The following CDKAL1 variants were observed in gnomAD, a reference collection of about 807,000 sequenced individuals.
CDKAL1 encodes threonylcarbamoyladenosine tRNA methylthiotransferase.
In CDKAL1, 32 loss-of-function variants were observed where a neutral mutation model predicts 68.2. That is an observed-to-expected ratio of 0.47 (90% confidence interval 0.35 to 0.63). The LOEUF (loss-of-function observed/expected upper bound fraction) is 0.63, where lower values mean the gene tolerates loss of function less well. CDKAL1 is among the 30% of genes least tolerant of loss of function. The pLI, the probability that CDKAL1 is intolerant of heterozygous loss-of-function variation, is 0.00. For synonymous variants in CDKAL1, 234 were observed against 244.3 expected, an observed-to-expected ratio of 0.96 and a Z score of 0.39; for missense variants, 606 against 696.7, an observed-to-expected ratio of 0.87 and a Z score of 1.47.
chr6:21,028,415 T>C (rs754705365), intron 11 of CDKAL1, among the ~76,000 whole-genome samples: 1 of 152,186 alleles, frequency 6.6e-6, no homozygotes, highest in Non-Finnish European at 1.5e-5. Flanking sequence ...CTCACCATTT[T>C]AGAGGCTGCA....
intron 8 of CDKAL1, among the ~76,000 whole-genome samples, chr6:20,824,801 G>A (rs942843165): frequency 1.4e-4 from 20 of 141,336 alleles, no homozygotes; most frequent in African/African-American, 3.1e-4. Context: ...GATTCTGGAG[G>A]CCATATTCCA....
At chr6:20,698,290 A>G (rs1771193923) in intron 5 of CDKAL1, among the ~76,000 whole-genome samples, 1 of 152,204 alleles carries the variant, frequency 6.6e-6, no homozygotes, top group South Asian at 2.1e-4. Context: ...AAAAGTTGCA[A>G]AGAAACCTCT....
chr6:20,874,558 G>A (rs1433760083), intron 9 of CDKAL1, among the ~76,000 whole-genome samples: 3 of 151,708 alleles, frequency 2.0e-5, no homozygotes, highest in South Asian at 2.1e-4. Context: ...CTCTGTAACC[G>A]AGGCTGGAGT....
At chr6:20,773,460 A>G (rs757704595) in intron 7 of CDKAL1, among the ~76,000 whole-genome samples, 13 of 152,246 alleles carry the variant, frequency 8.5e-5, no homozygotes, top group Admixed American at 2.0e-4. Context: ...GCACTTTTGT[A>G]TAATATTCTT....
intron 4 of CDKAL1, among the ~76,000 whole-genome samples, chr6:20,563,724 G>A (rs1222173718): frequency 6.6e-6 from 1 of 151,638 alleles, no homozygotes; most frequent in African/African-American, 2.4e-5. Flanking sequence ...TTGCATTTGT[G>A]AAGTGTAAGC....
intron 4 of CDKAL1, among the ~76,000 whole-genome samples, chr6:20,639,507 C>G (rs1768066840): frequency 6.6e-6 from 1 of 152,132 alleles, no homozygotes; most frequent in Admixed American, 6.6e-5. Context: ...CCAACCCTAG[C>G]TGGCTTAAAG....
intron 9 of CDKAL1, among the ~76,000 whole-genome samples, chr6:20,913,247 G>A (rs750595958): frequency 6.6e-6 from 1 of 151,838 alleles, no homozygotes; most frequent in African/African-American, 2.4e-5. Context: ...TCTACTCAGG[G>A]TCTCTCACAA....
intron 4 of CDKAL1, among the ~76,000 whole-genome samples, chr6:20,549,153 A>C (rs1206732428): frequency 6.6e-6 from 1 of 152,130 alleles, no homozygotes; most frequent in Non-Finnish European, 1.5e-5. Flanking sequence ...CCAATCTGTG[A>C]CAGTTTCTTA....
chr6:21,222,787 CAGA>C (rs1309578352), intron 15 of CDKAL1, among the ~76,000 whole-genome samples: 3 of 152,178 alleles, frequency 2.0e-5, no homozygotes, highest in Non-Finnish European at 4.4e-5. Flanking sequence ...GTGTCAGGGA[CAGA>C]AGAACTCATT....
At chr6:20,545,781 C>A (rs1407255326) in intron 2 of CDKAL1, among the ~76,000 whole-genome samples, 1 of 152,080 alleles carries the variant, frequency 6.6e-6, no homozygotes, top group Non-Finnish European at 1.5e-5. Flanking sequence ...TTTCTGAGGT[C>A]CTTTTAAAGT....
chr6:20,679,360 A>T (rs573486756), intron 5 of CDKAL1, among the ~76,000 whole-genome samples: 1 of 152,240 alleles, frequency 6.6e-6, no homozygotes, highest in Admixed American at 6.5e-5. Flanking sequence ...TCTATTTATT[A>T]TAACATTTGT....
At chr6:20,845,321 C>G (rs1778337638) in intron 8 of CDKAL1, among the ~76,000 whole-genome samples, 1 of 151,672 alleles carries the variant, frequency 6.6e-6, no homozygotes. Context: ...GTAACTGTGT[C>G]TTTTATTTTG....
At chr6:21,024,138 G>A (rs1768830097) in intron 11 of CDKAL1, among the ~76,000 whole-genome samples, 1 of 149,706 alleles carries the variant, frequency 6.7e-6, no homozygotes, top group South Asian at 2.1e-4. Flanking sequence ...CATCTGTTAG[G>A]TTACACTTAC....
chr6:20,767,945 A>G (rs1260730764), intron 7 of CDKAL1, among the ~76,000 whole-genome samples: 1 of 152,180 alleles, frequency 6.6e-6, no homozygotes, highest in Non-Finnish European at 1.5e-5. Context: ...TATCCTCTGG[A>G]TATCTGGATA....
chr6:20,606,287 C>T (rs539794836), intron 4 of CDKAL1, among the ~76,000 whole-genome samples: 16 of 152,208 alleles, frequency 1.1e-4, no homozygotes, highest in East Asian at 5.8e-4. Flanking sequence ...AATTTTTCTG[C>T]GTGAGAGCCT....
At chr6:20,543,314 C>T (rs1198704908) in intron 2 of CDKAL1, among the ~76,000 whole-genome samples, 1 of 152,164 alleles carries the variant, frequency 6.6e-6, no homozygotes, top group East Asian at 1.9e-4. Context: ...TTCTTTGCAT[C>T]CTTGCCGGTG....
intron 7 of CDKAL1, among the ~76,000 whole-genome samples, chr6:20,765,835 A>G (rs1774677304): frequency 6.6e-6 from 1 of 152,180 alleles, no homozygotes; most frequent in Non-Finnish European, 1.5e-5. Flanking sequence ...TAACTTTATA[A>G]CTGTATTGGC....
chr6:20,910,509 A>G (rs1381363644), intron 9 of CDKAL1, among the ~76,000 whole-genome samples: 1 of 152,108 alleles, frequency 6.6e-6, no homozygotes, highest in Non-Finnish European at 1.5e-5. Flanking sequence ...TAGCTGTTCA[A>G]ATTTGTTACC....
intron 4 of CDKAL1, among the ~76,000 whole-genome samples, chr6:20,587,625 C>G (rs1442640237): frequency 1.3e-5 from 2 of 152,114 alleles, no homozygotes; most frequent in South Asian, 4.2e-4. Context: ...CCCAGCTACT[C>G]TGGAGGCTGA....
Sources: gnomAD v4.1 joint callset for allele counts (sites outside exome capture counted in the v4.1 genomes callset) on GRCh38, gnomAD v4.1.1 for gene constraint, MANE v1.5 for transcripts, NCBI Gene and HGNC (gene_info 2026-07-23, HGNC 2026-07-21) for gene names.